BNC2: variants seen among roughly 807,000 people sequenced by gnomAD.
BNC2 encodes zinc finger protein basonuclin-2.
BNC2 carries 20 observed loss-of-function variants against 76.3 expected under a neutral mutation model. The ratio of observed to expected loss-of-function variants is 0.26; its 90% CI spans 0.18 to 0.38. BNC2 has a LOEUF of 0.38. Ranked by LOEUF, BNC2 falls within the 10% of genes least tolerant of loss-of-function variation. The pLI is 1.00. For synonymous variants in BNC2, 582 were observed against 514.8 expected, an observed-to-expected ratio of 1.13 and a Z score of -1.77; for missense variants, 1,382 against 1,399.8, an observed-to-expected ratio of 0.99 and a Z score of 0.20.
intron 3 of BNC2, chr9:16,625,795 A>C (rs1204247252): frequency 6.6e-6 from 1 of 152,210 alleles, no homozygotes; most frequent in African/African-American, 2.4e-5. Context: ...ATAAAAAGAC[A>C]GCCAACAATA....
At chr9:16,861,772 G>A (rs573269308) in intron 1 of BNC2, among the ~76,000 whole-genome samples, 12 of 152,132 alleles carry the variant, frequency 7.9e-5, no homozygotes, top group African/African-American at 2.7e-4. Context: ...GGAGGATGAC[G>A]AGGTCAGGAG....
At chr9:16,576,309 G>A (rs1301322046) in intron 4 of BNC2, among the ~76,000 whole-genome samples, 3 of 152,164 alleles carry the variant, frequency 2.0e-5, no homozygotes, top group Non-Finnish European at 2.9e-5. Context: ...ATTATCATAT[G>A]GACACTGTTG....
chr9:16,561,243 A>G (rs1200133429), intron 4 of BNC2, among the ~76,000 whole-genome samples: 1 of 151,962 alleles, frequency 6.6e-6, no homozygotes, highest in Non-Finnish European at 1.5e-5. Context: ...CGCCTCAAAA[A>G]AAAAAAAACA....
At chr9:16,634,544 C>A (rs1157680881) in intron 3 of BNC2, among the ~76,000 whole-genome samples, 1 of 150,782 alleles carries the variant, frequency 6.6e-6, no homozygotes, top group Non-Finnish European at 1.5e-5. Context: ...TTCTGTCACC[C>A]AGGCTGGAGT....
chr9:16,463,969 A>C (rs1176832690), intron 5 of BNC2, among the ~76,000 whole-genome samples: 1 of 151,624 alleles, frequency 6.6e-6, no homozygotes, highest in Non-Finnish European at 1.5e-5. Flanking sequence ...GGTGGTGCAC[A>C]CCTGTAATCC....
In BNC2 at chr9:16,416,781, T is replaced by G. The variant is rs1168972899; in HGVS notation, c.*2208A>C. On this transcript the variant is annotated 3_prime_UTR_variant, in exon 7 of 7. Transcript: ENST00000380672. Reference sequence around the variant, plus strand: ...CTTATCTTTAAGAATCTATTGTTTCTGAAATTTTCACAACAAAAATACTGA... The same window carrying G: ...CTTATCTTTAAGAATCTATTGTTTCGGAAATTTTCACAACAAAAATACTGA... 6.6e-6 allele frequency: 1 copy of G among 152,654 alleles called. No homozygotes were observed. Among genetic ancestry groups the G allele is most frequent in the Non-Finnish European group, 1.5e-5 (1 of 68,040 alleles). The allele number at this position is 152,654 out of a possible 1,614,324, so 9.5% of individuals were successfully genotyped here.
chr9:16,458,915 C>T (rs1821513578), intron 5 of BNC2, among the ~76,000 whole-genome samples: 3 of 152,222 alleles, frequency 2.0e-5, no homozygotes, highest in Admixed American at 6.5e-5. Context: ...TGAGCAAATA[C>T]ATGCACCGTC....
chr9:16,689,711 A>G (rs1248383895), intron 3 of BNC2, among the ~76,000 whole-genome samples: 2 of 152,212 alleles, frequency 1.3e-5, no homozygotes, highest in Admixed American at 6.5e-5. Context: ...CCTCAGAGAC[A>G]TGGCTAGGTA....
At chr9:16,479,735 T>G (rs1301648992) in intron 5 of BNC2, among the ~76,000 whole-genome samples, 1 of 152,136 alleles carries the variant, frequency 6.6e-6, no homozygotes, top group Non-Finnish European at 1.5e-5. Context: ...GTGCTTAAGT[T>G]AGGCTAATAT....
rs1246593502 is a variant in BNC2, at chr9:16,440,612, T to C, written c.670-3088A>G. On this transcript the variant is annotated intron_variant, in intron 5 of 6. Transcript: ENST00000380672. The stretch of plus-strand genomic sequence containing the variant: ...AATGCACCTCAGAAACCATAGGAAC[T>C]GATCAGTCCCACCTGAGGCATCTCA... Among the ~76,000 whole-genome samples, 5 of 152,198 alleles carry C rather than the reference T, an allele frequency of 3.3e-5. No individual in the cohort carries two copies. In the East Asian group the frequency reaches 9.6e-4, roughly 29 times the overall value.
chr9:16,866,463 G>A (rs1586947220), intron 1 of BNC2, among the ~76,000 whole-genome samples: 1 of 151,806 alleles, frequency 6.6e-6, no homozygotes, highest in African/African-American at 2.4e-5. Flanking sequence ...ATAGAACTCT[G>A]AAGACTGGCC....
intron 3 of BNC2, among the ~76,000 whole-genome samples, chr9:16,650,214 G>C (rs1002539922): frequency 6.6e-6 from 1 of 152,194 alleles, no homozygotes; most frequent in Admixed American, 6.5e-5. Flanking sequence ...CTGTCTGCAG[G>C]TATTCTTAAA....
intron 1 of BNC2, among the ~76,000 whole-genome samples, chr9:16,811,217 C>A (rs1424977438): frequency 1.5e-5 from 1 of 66,468 alleles, no homozygotes; most frequent in Non-Finnish European, 3.6e-5. Context: ...AGCGAGACTT[C>A]GTCTCAAAAG....
chr9:16,849,226 C>T (rs2136144650), intron 1 of BNC2, among the ~76,000 whole-genome samples: 1 of 151,920 alleles, frequency 6.6e-6, no homozygotes. Context: ...AACTCTCATT[C>T]CCCCCACCAA....
In BNC2 at chr9:16,643,690, C is replaced by G. The variant is rs937232019; in HGVS notation, c.331-60605G>C. The stretch of plus-strand genomic sequence containing the variant: ...TTCTAAGCATGTGAAAAGCAGCAAT[C>G]ACATCTGATGTTTCTTGGTACTTAT... On this transcript the variant is annotated intron_variant, in intron 3 of 6. Coordinates refer to ENST00000380672, the MANE Select transcript of BNC2 (RefSeq NM_017637.6). Among the ~76,000 whole-genome samples the G allele has an allele frequency of 2.6e-5, 4 of 152,248 alleles. No homozygotes were observed. In the South Asian group the frequency reaches 6.2e-4, roughly 24 times the overall value.
chr9:16,614,561 T>A (rs1382221337), intron 3 of BNC2, among the ~76,000 whole-genome samples: 1 of 151,686 alleles, frequency 6.6e-6, no homozygotes, highest in Admixed American at 6.6e-5. Context: ...GAAAGCAAGG[T>A]TAGAGTTTCC....
intron 3 of BNC2, among the ~76,000 whole-genome samples, chr9:16,613,817 G>A (rs1370536984): frequency 6.6e-6 from 1 of 152,168 alleles, no homozygotes; most frequent in East Asian, 1.9e-4. Context: ...AGCTGTCACT[G>A]GGCATGTCAT....
At chr9:16,802,465 G>A (rs147408983) in intron 1 of BNC2, among the ~76,000 whole-genome samples, 7 of 152,328 alleles carry the variant, frequency 4.6e-5, no homozygotes, top group Non-Finnish European at 8.8e-5. Flanking sequence ...CATTTGTACA[G>A]CAAGAAATGA....
chr9:16,435,783 A>G lies in BNC2; in HGVS notation c.2411T>C (p.Leu804Ser). 1.2e-6 allele frequency: 2 copies of G among 1,614,082 alleles called. No individual in the cohort carries two copies. Among genetic ancestry groups the G allele is most frequent in the East Asian group, 4.5e-5 (2 of 44,860 alleles). ...CAGAGACGATGTAAAGCTCTCATGC[A>G]AGGCGGCCATGCTGGCACCCCCACC... is the stretch of plus-strand genomic sequence containing the variant. ...YNGGGASMAA[L>S]HESFTSSLNY... is the part of the protein sequence containing the mutation. The change falls in exon 6 of 7, where the codon TTG becomes TCG. Residue 804 changes from leucine to serine, a missense_variant. Around this residue, in one of 3 missense-constraint regions of BNC2, gnomAD observed 798 missense variants for 775.5 expected, o/e 1.03. Transcript: ENST00000380672.
Sources: allele counts gnomAD v4.1 joint callset (sites outside exome capture counted in the v4.1 genomes callset), GRCh38; gene constraint gnomAD v4.1.1; regional missense constraint gnomAD v4.1.1; transcripts MANE v1.5; gene names NCBI Gene and HGNC (gene_info 2026-07-23, HGNC 2026-07-21).